Variants in EDA observed in about 807,000 individuals in gnomAD.
EDA encodes the protein ectodysplasin-A.
EDA carries 2 observed loss-of-function variants against 23.6 expected under a neutral mutation model. The observed-to-expected ratio is 0.08, with a 90% CI of 0.03 to 0.27. The LOEUF (loss-of-function observed/expected upper bound fraction) is 0.27. Among genes scored for constraint, EDA ranks in the 10% least tolerant of loss-of-function variants. The pLI, the probability that EDA is intolerant of heterozygous loss-of-function variation, is 1.00. For missense variants in EDA, 229 were observed against 324.2 expected, an observed-to-expected ratio of 0.71 and a Z score of 2.26; for synonymous variants, 131 against 132.0, an observed-to-expected ratio of 0.99 and a Z score of 0.05.
chrX:69,663,984 C>G (rs1933597605), intron 1 of EDA, among the ~76,000 whole-genome samples: 2 of 112,370 alleles, frequency 1.8e-5, no homozygotes, highest in Admixed American at 1.9e-4. Context: ...GCCTGTACCC[C>G]CACTGTATCT....
chrX:69,798,969 C>G (rs2015610929), intron 1 of EDA, among the ~76,000 whole-genome samples: 1 of 111,216 alleles, frequency 9.0e-6, no homozygotes, highest in Admixed American at 9.6e-5. Context: ...CCTATAGTAA[C>G]CAAAACAACA....
At chrX:69,659,164 A>G (rs914611715) in intron 1 of EDA, among the ~76,000 whole-genome samples, 40 of 112,510 alleles carry the variant, frequency 3.6e-4, no homozygotes, top group African/African-American at 1.3e-3. Context: ...CAGAGTTTTC[A>G]GAGCAAATAA....
At chrX:69,706,057 C>G (rs1056599198) in intron 1 of EDA, among the ~76,000 whole-genome samples, 10 of 111,992 alleles carry the variant, frequency 8.9e-5, no homozygotes, top group African/African-American at 3.2e-4. Context: ...GCCTTTCTTC[C>G]GGTGCAGAGA....
At chrX:69,662,774 CA>C (rs1214367983) in intron 1 of EDA, among the ~76,000 whole-genome samples, 2 of 111,770 alleles carry the variant, frequency 1.8e-5, no homozygotes, top group Non-Finnish European at 3.8e-5. Flanking sequence ...GTGATATGGA[CA>C]AAAAAAGTTC....
intron 1 of EDA, among the ~76,000 whole-genome samples, chrX:69,747,183 AG>A (rs1040451852): frequency 8.9e-6 from 1 of 112,084 alleles, no homozygotes; most frequent in Admixed American, 9.5e-5. Flanking sequence ...GTGAGAAAAA[AG>A]CTAGTAATGA....
intron 1 of EDA, among the ~76,000 whole-genome samples, chrX:69,869,823 GA>G (rs2017539049): frequency 8.9e-6 from 1 of 111,967 alleles, no homozygotes; most frequent in African/African-American, 3.2e-5. Context: ...GCCACCTCAG[GA>G]TCCAATTATT....
intron 2 of EDA, among the ~76,000 whole-genome samples, chrX:70,016,208 C>T (rs67088529): frequency 0.089 from 9,866 of 111,159 alleles, 1,030 homozygotes; most frequent in African/African-American, 0.3. Flanking sequence ...GTACCCAACA[C>T]AGGAGTACCC....
chrX:69,714,075 T>G (rs1175410543), intron 1 of EDA, among the ~76,000 whole-genome samples: 1 of 111,251 alleles, frequency 9.0e-6, no homozygotes, highest in Admixed American at 9.6e-5. Flanking sequence ...CTTGCCAGCA[T>G]TTGGCACTGT....
rs1399533623 is a variant in EDA at position 69,938,318 on chromosome X, TATCTC to T, written c.397-18706_397-18702del. Among the ~76,000 whole-genome samples, 5 of 112,019 alleles carry T rather than the reference TATCTC, an allele frequency of 4.5e-5. No individual in the cohort carries two copies. The East Asian group carries it at 1.4e-3, about 32-fold the overall frequency. On this transcript the variant is annotated intron_variant, in intron 1 of 7. Transcript: ENST00000374552. ...GGCCATTTTCACTGGGGTGAGATGA[TATCTC>T]ATTGTAGTTTCAATTTGCATTTCTC...
At chrX:69,821,358 G>A (rs1251180038) in intron 1 of EDA, among the ~76,000 whole-genome samples, 1 of 109,818 alleles carries the variant, frequency 9.1e-6, no homozygotes, top group Non-Finnish European at 1.9e-5. Context: ...GTTTATCTAT[G>A]TAACAAACCT....
At chrX:69,769,181 T>G (rs2014556367) in intron 1 of EDA, among the ~76,000 whole-genome samples, 1 of 111,760 alleles carries the variant, frequency 8.9e-6, no homozygotes, top group South Asian at 3.7e-4. Flanking sequence ...AAATATCAAG[T>G]AGTTTACTTG....
chrX:69,660,820 A>G (rs928658852), intron 1 of EDA, among the ~76,000 whole-genome samples: 3 of 111,560 alleles, frequency 2.7e-5, no homozygotes, highest in African/African-American at 9.8e-5. Flanking sequence ...ATGTGTCTTT[A>G]TAGCAGCATG....
intron 1 of EDA, among the ~76,000 whole-genome samples, chrX:69,682,154 C>G (rs1015359166): frequency 8.9e-6 from 1 of 112,347 alleles, no homozygotes; most frequent in Non-Finnish European, 1.9e-5. Flanking sequence ...GTCAGGGACC[C>G]GCTTGTGGAG....
At chrX:69,803,049 G>GT (rs993939362) in intron 1 of EDA, among the ~76,000 whole-genome samples, 3 of 109,689 alleles carry the variant, frequency 2.7e-5, no homozygotes, top group East Asian at 2.9e-4. Flanking sequence ...TAGTTGCTAG[G>GT]TTTTTTTTTC....
intron 2 of EDA, among the ~76,000 whole-genome samples, chrX:70,020,602 CAT>C (rs2020020532): frequency 9.1e-6 from 1 of 109,499 alleles, no homozygotes; most frequent in South Asian, 3.9e-4. Context: ...ATGTACATAA[CAT>C]ATAAATTGTT....
At chrX:69,940,589 A>T (rs2018743961) in intron 1 of EDA, among the ~76,000 whole-genome samples, 1 of 110,096 alleles carries the variant, frequency 9.1e-6, no homozygotes, top group Non-Finnish European at 1.9e-5. Flanking sequence ...TCTAATCATT[A>T]TTATTTCTTT....
intron 1 of EDA, among the ~76,000 whole-genome samples, chrX:69,728,063 G>A (rs774916332): frequency 2.5e-4 from 28 of 110,154 alleles, no homozygotes; most frequent in African/African-American, 8.6e-4. Context: ...TGGCCAACAT[G>A]GTGAAACCCC....
rs374917965 is a variant in EDA at position 69,783,416 on chromosome X, T to C, written c.396+166712T>C. On this transcript the variant is annotated intron_variant, in intron 1 of 7. Coordinates refer to ENST00000374552, the MANE Select transcript of EDA (RefSeq NM_001399.5). ...CTCGTCATCCAGCATTAGGTGTATC[T>C]CCTAATGCTATCCCTCCCCCCTCCC... Among the ~76,000 whole-genome samples, 14 of 108,737 alleles carry C rather than the reference T, an allele frequency of 1.3e-4. No individual in the cohort carries two copies. The East Asian group carries it at 1.8e-3, about 14-fold the overall frequency. The allele number at this position is 108,737 out of a possible 115,157, so 94.4% of individuals were successfully genotyped here. A position where few individuals can be genotyped will look rare whatever the true frequency, so the allele number is the denominator to read the frequency against.
At chrX:69,970,816 CTG>C (rs1321627399) in intron 2 of EDA, among the ~76,000 whole-genome samples, 1 of 111,589 alleles carries the variant, frequency 9.0e-6, no homozygotes, top group African/African-American at 3.3e-5. Context: ...AAACTCATTT[CTG>C]TGGAACTCCT....
Sources: allele counts gnomAD v4.1 joint callset (sites outside exome capture counted in the v4.1 genomes callset), GRCh38; gene constraint gnomAD v4.1.1; transcripts MANE v1.5; gene names NCBI Gene and HGNC (gene_info 2026-07-23, HGNC 2026-07-21).